TIMP2: variants seen among roughly 807,000 people sequenced by gnomAD.
The protein encoded by TIMP2 is TIMP metallopeptidase inhibitor 2.
A neutral mutation model predicts 24.3 loss-of-function variants in TIMP2; 5 were observed. That is an observed-to-expected ratio of 0.21 (90% confidence interval 0.11 to 0.43). The LOEUF is 0.43. Ranked by LOEUF, TIMP2 falls within the 20% of genes least tolerant of loss-of-function variation. The pLI, the probability that TIMP2 is intolerant of heterozygous loss-of-function variation, is 1.00. For missense variants in TIMP2, 221 were observed against 297.5 expected (o/e 0.74, Z 1.89); for synonymous variants, 130 against 123.2 (o/e 1.06, Z -0.37).
At chr17:78,919,909 T>C (rs73397255) in intron 1 of TIMP2, among the ~76,000 whole-genome samples, 8,844 of 152,216 alleles carry the variant, frequency 0.058, 843 homozygotes, top group African/African-American at 0.2. Flanking sequence ...TGTGAGCCTG[T>C]GCGTGCACCG....
Position 78,888,651 on chromosome 17 carries a change from A to G in TIMP2, c.131-14732T>C, listed in dbSNP as rs1030025181. On this transcript the variant is annotated intron_variant, in intron 1 of 4. Coordinates refer to ENST00000262768, the MANE Select transcript of TIMP2 (RefSeq NM_003255.5). ...ATTTTTTGTAGGATAGGGTCTCCCC[A>G]TGTTGCCCACGCTGGTCTCGAATTC... 9.9e-5 allele frequency among the ~76,000 whole-genome samples: 15 copies of G among 152,056 alleles called. 1 individual carries two copies. The East Asian group carries it at 2.7e-3, about 28-fold the overall frequency.
chr17:78,855,772 G>A lies in TIMP2; in HGVS notation c.558C>T (p.His186=), dbSNP rs1449217642. Reference sequence around the variant, plus strand: ...TGATGCAGGCGAAGAACTTGGCCTGGTGCCCGTTGATGTTCTTCTCTGTGA... The same window carrying A: ...TGATGCAGGCGAAGAACTTGGCCTGATGCCCGTTGATGTTCTTCTCTGTGA... ...DWVTEKNING[H]QAKFFACIKR... Residue 186 remains histidine, a synonymous_variant, in exon 5 of 5, where the codon CAC becomes CAT. Coordinates refer to ENST00000262768, the MANE Select transcript of TIMP2 (RefSeq NM_003255.5). This position sits in a 1 kb window ranked among gnomAD's most constrained non-coding sequence, Gnocchi z 6.0. The A allele has an allele frequency of 5.0e-6, 8 of 1,614,182 alleles. No homozygotes were observed. Among genetic ancestry groups the A allele is most frequent in the Middle Eastern group, 1.6e-4 (1 of 6,062 alleles).
chr17:78,876,868 C>G (rs904324414), intron 1 of TIMP2, among the ~76,000 whole-genome samples: 1 of 151,478 alleles, frequency 6.6e-6, no homozygotes, highest in Non-Finnish European at 1.5e-5. Flanking sequence ...CATCTCCCCT[C>G]TCTGCCTGGA....
chr17:78,886,825 A>G (rs1201478015), intron 1 of TIMP2, among the ~76,000 whole-genome samples: 1 of 152,142 alleles, frequency 6.6e-6, no homozygotes, highest in Non-Finnish European at 1.5e-5. Flanking sequence ...CCCAGGTTCA[A>G]GAGATCATCC....
In TIMP2 at chr17:78,891,680, C is replaced by A. The variant is rs547135189; in HGVS notation, c.131-17761G>T. 1.9e-6 allele frequency: 3 copies of A among 1,551,108 alleles called. No homozygotes were observed. The Admixed American group carries it at 5.9e-5, about 30-fold the overall frequency. On this transcript the variant is annotated intron_variant, in intron 1 of 4. Transcript: ENST00000262768. The surrounding 1 kb of genome is among the most constrained non-coding windows in gnomAD (Gnocchi z 4.5). ...CTTTCCCAGTTGCCTCCTCCCCGCCCGAGCTGTTCCTTTCTCTTTTTCCTC... is the reference window on the plus strand; with the variant it reads ...CTTTCCCAGTTGCCTCCTCCCCGCCAGAGCTGTTCCTTTCTCTTTTTCCTC...
At position 78,880,248 on chromosome 17, in the gene TIMP2, G is replaced by A. The variant is rs183428049; in HGVS notation, c.131-6329C>T. Among the ~76,000 whole-genome samples the A allele has an allele frequency of 1.5e-3, 230 of 152,280 alleles. 1 individual carries two copies. The highest frequency in any genetic ancestry group is 2.5e-3 in the Admixed American group (39 of 15,300). ...GTCCCCTCTGCTGCCATCAACACGT[G>A]GGTCCTGCGTCCTCACGTCCCCTTC... On this transcript the variant is annotated intron_variant, in intron 1 of 4. Coordinates refer to ENST00000262768, the MANE Select transcript of TIMP2 (RefSeq NM_003255.5).
At chr17:78,877,939 C>T (rs1158324299) in intron 1 of TIMP2, among the ~76,000 whole-genome samples, 1 of 152,086 alleles carries the variant, frequency 6.6e-6, no homozygotes, top group African/African-American at 2.4e-5. Flanking sequence ...AACTCCTGAC[C>T]TCGTGATCCG....
In TIMP2 at chr17:78,855,781, G is replaced by T. The variant is rs1401897582; in HGVS notation, c.549C>A (p.Ile183=). 6.2e-7 allele frequency: 1 copy of T among 1,614,196 alleles called. No individual in the cohort carries two copies. Among genetic ancestry groups the T allele is most frequent in the Admixed American group, 1.7e-5 (1 of 60,030 alleles). The change falls in exon 5 of 5, where the codon ATC becomes ATA. Residue 183 remains isoleucine, a synonymous_variant. Transcript: ENST00000262768. The surrounding 1 kb of genome is among the most constrained non-coding windows in gnomAD (Gnocchi z 6.0). ...LWMDWVTEKN[I]NGHQAKFFAC... is the part of the protein sequence containing the mutation. Reference sequence around the variant, plus strand: ...CGAAGAACTTGGCCTGGTGCCCGTTGATGTTCTTCTCTGTGACCCAGTCCA... The same window carrying T: ...CGAAGAACTTGGCCTGGTGCCCGTTTATGTTCTTCTCTGTGACCCAGTCCA...
At chr17:78,922,391 C>G (rs912276554) in intron 1 of TIMP2, 5 of 152,180 alleles carry the variant, frequency 3.3e-5, no homozygotes, top group African/African-American at 1.2e-4. Flanking sequence ...ATTACGTCCC[C>G]CCTCAAATGC....
intron 1 of TIMP2, among the ~76,000 whole-genome samples, chr17:78,894,193 A>AC (rs148999240): frequency 0.042 from 6,256 of 149,768 alleles, 161 homozygotes; most frequent in East Asian, 0.084. Flanking sequence ...CGAAGCTCCT[A>AC]CCCCCCCCGG....
intron 3 of TIMP2, among the ~76,000 whole-genome samples, chr17:78,862,024 A>T (rs1158754532): frequency 6.6e-6 from 1 of 152,210 alleles, no homozygotes; most frequent in Non-Finnish European, 1.5e-5. Flanking sequence ...CTCCGAGAAA[A>T]GCGAGGCATG....
At chr17:78,873,588 C>A (rs538559500) in intron 2 of TIMP2, among the ~76,000 whole-genome samples, 1 of 152,194 alleles carries the variant, frequency 6.6e-6, no homozygotes, top group Non-Finnish European at 1.5e-5. Context: ...CCGCAACGCC[C>A]GGACAGGTTT....
chr17:78,872,856 T>C (rs1391914914), intron 2 of TIMP2, among the ~76,000 whole-genome samples: 4 of 151,740 alleles, frequency 2.6e-5, no homozygotes, highest in Non-Finnish European at 5.9e-5. Context: ...TGAGATGGAG[T>C]TTCGCTCTTG....
intron 2 of TIMP2, among the ~76,000 whole-genome samples, chr17:78,871,384 G>A (rs898833046): frequency 1.3e-5 from 2 of 149,916 alleles, no homozygotes; most frequent in East Asian, 3.9e-4. Context: ...CCTGCGAGGT[G>A]GAGGTTGCAG....
chr17:78,914,712 A>C (rs2070240967), intron 1 of TIMP2, among the ~76,000 whole-genome samples: 1 of 151,866 alleles, frequency 6.6e-6, no homozygotes, highest in Non-Finnish European at 1.5e-5. Flanking sequence ...AGTAGGTGGG[A>C]CTACAGGCAC....
At chr17:78,858,230 C>T (rs1195005231) in intron 3 of TIMP2, among the ~76,000 whole-genome samples, 2 of 152,216 alleles carry the variant, frequency 1.3e-5, no homozygotes, top group Non-Finnish European at 2.9e-5. Flanking sequence ...ATCACAAGGT[C>T]AGGAGATCGA....
At chr17:78,876,907 C>G (rs1433165900) in intron 1 of TIMP2, among the ~76,000 whole-genome samples, 1 of 62,460 alleles carries the variant, frequency 1.6e-5, no homozygotes, top group East Asian at 2.8e-4. Context: ...CAAGACCCAG[C>G]TAAAATAGCC....
chr17:78,873,608 T>C (rs534412604), intron 2 of TIMP2, among the ~76,000 whole-genome samples: 68 of 152,310 alleles, frequency 4.5e-4, no homozygotes, highest in African/African-American at 1.6e-3. Flanking sequence ...TCTGAAGGAA[T>C]TGAATTTGTG....
intron 1 of TIMP2, among the ~76,000 whole-genome samples, chr17:78,887,650 G>A (rs988274465): frequency 7.9e-5 from 12 of 151,708 alleles, no homozygotes; most frequent in African/African-American, 2.7e-4. Flanking sequence ...CTCTCACAGT[G>A]CTGGGATTAC....
Sources: allele counts gnomAD v4.1 joint callset (sites outside exome capture counted in the v4.1 genomes callset), GRCh38; gene constraint gnomAD v4.1.1; non-coding constraint Gnocchi (gnomAD v3.1); transcripts MANE v1.5; gene names NCBI Gene and HGNC (gene_info 2026-07-23, HGNC 2026-07-21).